The following GNAI1 variants were observed in gnomAD, a reference collection of about 807,000 sequenced individuals.
GNAI1 encodes the protein G protein subunit alpha i1.
GNAI1 carries 11 observed loss-of-function variants against 38.9 expected under a neutral mutation model. That is an observed-to-expected ratio of 0.28 (90% CI 0.18 to 0.47). GNAI1 has a LOEUF of 0.47. GNAI1 is among the 20% of genes least tolerant of loss of function. The pLI, the probability that GNAI1 is intolerant of heterozygous loss-of-function variation, is 0.99. For synonymous variants in GNAI1, 166 were observed against 145.1 expected, an observed-to-expected ratio of 1.14 and a Z score of -1.04; for missense variants, 317 against 436.9, an observed-to-expected ratio of 0.73 and a Z score of 2.45.
At chr7:80,192,705 G>GT (rs1006381749) in intron 3 of GNAI1, among the ~76,000 whole-genome samples, 8 of 151,680 alleles carry the variant, frequency 5.3e-5, no homozygotes, top group African/African-American at 4.8e-5. Flanking sequence ...TTTTCTGTTT[G>GT]TTTTTTTTGA....
chr7:80,221,780 T>C lies in GNAI1; in HGVS notation c.*4287T>C, dbSNP rs910406390. Among the ~76,000 whole-genome samples, 14 of 151,622 alleles carry C rather than the reference T, an allele frequency of 9.2e-5. No individual in the cohort carries two copies. Among genetic ancestry groups the C allele is most frequent in the Admixed American group, 9.2e-4 (14 of 15,172 alleles). On this transcript the variant is annotated 3_prime_UTR_variant, in exon 8 of 8. Coordinates refer to ENST00000649796, the MANE Select transcript of GNAI1 (RefSeq NM_002069.6). ...GCCTCAGCCTCCCGAGTAGCTGGGA[T>C]TACAGGCATGCGCCACTACACCCAG...
intron 1 of GNAI1, among the ~76,000 whole-genome samples, chr7:80,142,235 A>C (rs998251): frequency 6.6e-6 from 1 of 152,068 alleles, no homozygotes; most frequent in Non-Finnish European, 1.5e-5. Context: ...TATCTTCATC[A>C]GTATCTTATA....
At chr7:80,152,153 A>G (rs1787738721) in intron 1 of GNAI1, among the ~76,000 whole-genome samples, 1 of 152,206 alleles carries the variant, frequency 6.6e-6, no homozygotes, top group South Asian at 2.1e-4. Flanking sequence ...GAATTTGCCC[A>G]AGACATACTG....
chr7:80,138,772 C>G (rs1452313593), intron 1 of GNAI1, among the ~76,000 whole-genome samples: 2 of 152,158 alleles, frequency 1.3e-5, no homozygotes, highest in Non-Finnish European at 2.9e-5. Flanking sequence ...CACTGTCCTT[C>G]CTTCCGCTCC....
At chr7:80,137,532 C>G (rs915152480) in intron 1 of GNAI1, among the ~76,000 whole-genome samples, 1 of 151,912 alleles carries the variant, frequency 6.6e-6, no homozygotes, top group Non-Finnish European at 1.5e-5. Context: ...GTTGGCCACG[C>G]TGGTCTCCAA....
At chr7:80,216,661 C>T (rs140129712) in intron 7 of GNAI1, among the ~76,000 whole-genome samples, 31 of 152,174 alleles carry the variant, frequency 2.0e-4, no homozygotes, top group African/African-American at 7.2e-4. Flanking sequence ...AACTGAATTG[C>T]GGGGTCAGAG....
intron 1 of GNAI1, among the ~76,000 whole-genome samples, chr7:80,140,941 T>C (rs1787515384): frequency 6.6e-6 from 1 of 152,194 alleles, no homozygotes; most frequent in African/African-American, 2.4e-5. Flanking sequence ...TTTCATTGGC[T>C]CATGGTGCCT....
At chr7:80,199,531 T>A (rs1256203452) in intron 4 of GNAI1, 149 bp downstream of exon 4, 1 of 602,286 alleles carries the variant, frequency 1.7e-6, no homozygotes, top group Non-Finnish European at 2.8e-6. Context: ...AACTTTGTCT[T>A]ATGTGTGTTG....
intron 1 of GNAI1, among the ~76,000 whole-genome samples, chr7:80,145,272 C>G (rs983351534): frequency 2.6e-5 from 4 of 152,110 alleles, no homozygotes; most frequent in Non-Finnish European, 4.4e-5. Context: ...AAATTACTTT[C>G]TGCTTTAAAT....
At position 80,196,041 on chromosome 7, in the gene GNAI1, C is replaced by T. The variant is rs2115657276; in HGVS notation, c.304-3184C>T. On this transcript the variant is annotated intron_variant, in intron 3 of 7. Coordinates refer to ENST00000649796, the MANE Select transcript of GNAI1 (RefSeq NM_002069.6). ...TTCTGAATTTTCATCAAGTGGGTGA[C>T]AGCTTTAAATAAAACATGTAATCAC... 2.0e-5 allele frequency among the ~76,000 whole-genome samples: 3 copies of T among 152,040 alleles called. 1 individual carries two copies. In the South Asian group the frequency reaches 6.2e-4, roughly 31 times the overall value.
chr7:80,221,283 G>T lies in GNAI1; in HGVS notation c.*3790G>T, dbSNP rs1265216096. On this transcript the variant is annotated 3_prime_UTR_variant, in exon 8 of 8. Coordinates refer to ENST00000649796, the MANE Select transcript of GNAI1 (RefSeq NM_002069.6). ...GATTAAATAATCCATTAATTTTAAT[G>T]GTTGTTGTCAGCATTAAATAAGTTC... is the stretch of plus-strand genomic sequence containing the variant. Among the ~76,000 whole-genome samples, 1 of 152,112 alleles carries T rather than the reference G, an allele frequency of 6.6e-6. No homozygotes were observed. Among genetic ancestry groups the T allele is most frequent in the East Asian group, 1.9e-4 (1 of 5,192 alleles).
At chr7:80,209,352 A>G (rs1294431810) in intron 5 of GNAI1, among the ~76,000 whole-genome samples, 1 of 152,214 alleles carries the variant, frequency 6.6e-6, no homozygotes, top group Admixed American at 6.5e-5. Context: ...AAGCTTGGAC[A>G]TGAATTGTCA....
intron 1 of GNAI1, among the ~76,000 whole-genome samples, chr7:80,179,185 CT>C (rs904521919): frequency 6.6e-6 from 1 of 152,128 alleles, no homozygotes; most frequent in African/African-American, 2.4e-5. Flanking sequence ...AACTTAATGA[CT>C]GTGTTATGAT....
chr7:80,162,881 G>T (rs1405448076), intron 1 of GNAI1, among the ~76,000 whole-genome samples: 2 of 152,212 alleles, frequency 1.3e-5, no homozygotes, highest in Non-Finnish European at 2.9e-5. Context: ...AAGAATGGAA[G>T]TGTGTGGGTA....
At chr7:80,142,806 T>G (rs1403066856) in intron 1 of GNAI1, among the ~76,000 whole-genome samples, 5 of 151,748 alleles carry the variant, frequency 3.3e-5, no homozygotes, top group African/African-American at 1.2e-4. Context: ...AAACTAATTT[T>G]GGGGACCATA....
Position 80,221,636 on chromosome 7 carries a change from C to CTTTTTATTTTTTTT in GNAI1, c.*4148_*4149insATTTTTTTTTTTTT. 2.1e-5 allele frequency among the ~76,000 whole-genome samples: 2 copies of CTTTTTATTTTTTTT among 94,354 alleles called. No homozygotes were observed. The highest frequency in any genetic ancestry group is 4.1e-5 in the African/African-American group (1 of 24,252). 61.9% of individuals were successfully genotyped at this position (94,354 alleles called of 152,430 possible). ...ATTTTAATGTTAGGTTGGAAATTTTCTTTTTTTTTTTTTTTTTTTTTTTTT... is the reference window on the plus strand; with the variant it reads ...ATTTTAATGTTAGGTTGGAAATTTTCTTTTTATTTTTTTTTTTTTTTTTTTTTTTTTTTTTTTTT... On this transcript the variant is annotated 3_prime_UTR_variant, in exon 8 of 8. Transcript: ENST00000649796.
At chr7:80,210,788 G>GT (rs1217159138) in intron 5 of GNAI1, among the ~76,000 whole-genome samples, 181 bp from the exon 6 acceptor site, 1 of 148,918 alleles carries the variant, frequency 6.7e-6, no homozygotes, top group Non-Finnish European at 1.5e-5. Flanking sequence ...AAACTAGCAG[G>GT]TTTTTTTCCC....
intron 4 of GNAI1, among the ~76,000 whole-genome samples, chr7:80,199,591 A>G (rs753741173): frequency 6.6e-6 from 1 of 152,154 alleles, no homozygotes; most frequent in Non-Finnish European, 1.5e-5. Context: ...TAGTGTCTCA[A>G]GAGACTCATG....
chr7:80,209,386 A>G (rs1562844032), intron 5 of GNAI1, among the ~76,000 whole-genome samples: 2 of 152,066 alleles, frequency 1.3e-5, no homozygotes, highest in East Asian at 3.9e-4. Flanking sequence ...GAAGAATTAC[A>G]TTTTCTTCTG....
Sources: allele counts gnomAD v4.1 joint callset (sites outside exome capture counted in the v4.1 genomes callset), GRCh38; gene constraint gnomAD v4.1.1; transcripts MANE v1.5; gene names NCBI Gene and HGNC (gene_info 2026-07-23, HGNC 2026-07-21).